Variants in DZIP3 observed in about 807,000 individuals in gnomAD.
DZIP3 encodes E3 ubiquitin-protein ligase DZIP3.
In DZIP3, 118 loss-of-function variants were observed where a neutral mutation model predicts 162.0. The ratio of observed to expected loss-of-function variants is 0.73; its 90% CI spans 0.63 to 0.85. DZIP3 has a LOEUF of 0.85. Among genes scored for constraint, DZIP3 ranks in the 40% least tolerant of loss-of-function variants. DZIP3 has a pLI of 0.00. For missense variants in DZIP3, 1,331 were observed against 1,407.0 expected, an observed-to-expected ratio of 0.95 and a Z score of 0.86; for synonymous variants, 438 against 458.6, an observed-to-expected ratio of 0.96 and a Z score of 0.57.
Position 108,644,789 on chromosome 3 carries a change from A to G in DZIP3, c.1759+8A>G. 2 of 1,588,658 alleles carry G rather than the reference A, an allele frequency of 1.3e-6. No individual in the cohort carries two copies. Among genetic ancestry groups the G allele is most frequent in the Non-Finnish European group, 1.7e-6 (2 of 1,169,242 alleles). On this transcript the variant is annotated splice_region_variant and intron_variant, in intron 14 of 32. Coordinates refer to ENST00000361582, the MANE Select transcript of DZIP3 (RefSeq NM_014648.4). Reference sequence around the variant, plus strand: ...TATCCTGCTATCAACAAGGTACTAAATGATTATTTACTTCAGCCAATAAAC... The same window carrying G: ...TATCCTGCTATCAACAAGGTACTAAGTGATTATTTACTTCAGCCAATAAAC...
Position 108,686,426 on chromosome 3 carries a change from AG to A in DZIP3, c.3010-18del. On this transcript the variant is annotated intron_variant, in intron 27 of 32. Coordinates refer to ENST00000361582, the MANE Select transcript of DZIP3 (RefSeq NM_014648.4). The stretch of plus-strand genomic sequence containing the variant: ...TTAATAATTAAACCTGCTGGGCTAT[AG>A]CTCTCTGCCTCTTACAGATGACTGG... 6.5e-7 allele frequency: 1 copy of A among 1,542,180 alleles called. No individual in the cohort carries two copies. The highest frequency in any genetic ancestry group is 1.3e-5 in the South Asian group (1 of 79,594).
intron 26 of DZIP3, among the ~76,000 whole-genome samples, chr3:108,681,637 T>A (rs1410888894): frequency 6.6e-6 from 1 of 152,052 alleles, no homozygotes; most frequent in Admixed American, 6.6e-5. Context: ...ACACATATGT[T>A]TATTGCAGCC....
At chr3:108,635,684 A>G (rs1942117604) in intron 10 of DZIP3, among the ~76,000 whole-genome samples, 2 of 147,830 alleles carry the variant, frequency 1.4e-5, no homozygotes, top group South Asian at 4.2e-4. Context: ...ATATAACATA[A>G]CTGTTATTAG....
At chr3:108,634,548 G>C (rs1942050197) in intron 9 of DZIP3, among the ~76,000 whole-genome samples, 1 of 152,046 alleles carries the variant, frequency 6.6e-6, no homozygotes, top group Non-Finnish European at 1.5e-5. Flanking sequence ...ATGTAAAAAT[G>C]GAGATGAAGA....
At chr3:108,608,057 C>T (rs1183952372) in intron 2 of DZIP3, 32 bp from the exon 3 acceptor site, 10 of 1,538,522 alleles carry the variant, frequency 6.5e-6, no homozygotes, top group Middle Eastern at 3.4e-4. Context: ...TGAGAAGATG[C>T]TCTTAATATA....
At chr3:108,674,373 T>C (rs1242949452) in intron 24 of DZIP3, among the ~76,000 whole-genome samples, 192 bp downstream of exon 24, 1 of 151,924 alleles carries the variant, frequency 6.6e-6, no homozygotes, top group Non-Finnish European at 1.5e-5. Flanking sequence ...CTTGTTGTTG[T>C]TGTTTTTGTT....
intron 19 of DZIP3, among the ~76,000 whole-genome samples, chr3:108,655,990 G>A (rs1020974884): frequency 1.2e-4 from 18 of 152,174 alleles, no homozygotes; most frequent in South Asian, 4.1e-4. Flanking sequence ...TAAACAAAGC[G>A]GCCGGGAAGC....
chr3:108,634,967 G>A lies in DZIP3; in HGVS notation c.913G>A (p.Asp305Asn), dbSNP rs1290028263. The change falls in exon 10 of 33, where the codon GAT (aspartate) becomes AAT (asparagine). Residue 305 changes from aspartate (D) to asparagine (N), a missense_variant. This residue lies in a region of DZIP3 where 1,278 missense variants were observed against 1,317.1 expected (regional missense o/e 0.97). Coordinates refer to ENST00000361582, the MANE Select transcript of DZIP3 (RefSeq NM_014648.4). ...GAATTTAAAGTATCCAGGTGAAAAT[G>A]ATCAGGTATTATATTCGTTCTTAAA... ...FKNLKYPGEN[D>N]QSFSGKKCLK... The A allele has an allele frequency of 1.3e-6, 2 of 1,583,196 alleles. No homozygotes were observed. The highest frequency in any genetic ancestry group is 2.3e-5 in the East Asian group (1 of 44,036).
Position 108,655,559 on chromosome 3 carries a change from T to C in DZIP3, c.2199+1249T>C, listed in dbSNP as rs962547492. On this transcript the variant is annotated intron_variant, in intron 19 of 32. Transcript: ENST00000361582. The stretch of plus-strand genomic sequence containing the variant: ...AATAGGAACAGCTCCAGTCTACAGC[T>C]CCCACCGTGAGCGATGCAGAAGATG... 1.3e-5 allele frequency among the ~76,000 whole-genome samples: 2 copies of C among 150,438 alleles called. 1 individual carries two copies. Among genetic ancestry groups the C allele is most frequent in the East Asian group, 3.9e-4 (2 of 5,070 alleles).
At chr3:108,619,195 A>G (rs1021235700) in intron 5 of DZIP3, among the ~76,000 whole-genome samples, 3 of 151,936 alleles carry the variant, frequency 2.0e-5, no homozygotes, top group Admixed American at 6.6e-5. Flanking sequence ...AGATAGGGTT[A>G]TAATCTTCAG....
intron 11 of DZIP3, among the ~76,000 whole-genome samples, 153 bp downstream of exon 11, chr3:108,636,861 G>T (rs934425798): frequency 6.6e-6 from 1 of 151,426 alleles, no homozygotes; most frequent in Non-Finnish European, 1.5e-5. Context: ...TTATTACCAT[G>T]ATTTATACAA....
chr3:108,621,707 CA>C (rs1941355797), intron 5 of DZIP3, among the ~76,000 whole-genome samples: 2 of 152,014 alleles, frequency 1.3e-5, no homozygotes, highest in Admixed American at 6.5e-5. Context: ...GGAGGTTCCT[CA>C]AAAAACTGAA....
intron 1 of DZIP3, among the ~76,000 whole-genome samples, chr3:108,591,427 G>A (rs919263403): frequency 6.6e-6 from 1 of 152,206 alleles, no homozygotes; most frequent in African/African-American, 2.4e-5. Flanking sequence ...TGTCAGCATC[G>A]TCCCCATTCA....
intron 6 of DZIP3, 135 bp from the exon 7 acceptor site, chr3:108,625,710 A>T (rs1183208820): frequency 8.7e-6 from 7 of 808,744 alleles, no homozygotes; most frequent in African/African-American, 1.8e-5. Flanking sequence ...AGGATTCAGA[A>T]TGTGAATAAA....
At chr3:108,687,798 G>A (rs1245359093) in intron 28 of DZIP3, among the ~76,000 whole-genome samples, 178 bp from the exon 29 acceptor site, 1 of 152,046 alleles carries the variant, frequency 6.6e-6, no homozygotes, top group Non-Finnish European at 1.5e-5. Context: ...TTTCCTTTTG[G>A]TTTAAGATAA....
chr3:108,614,365 C>G lies in DZIP3; in HGVS notation c.259-2176C>G, dbSNP rs575553651. 3.3e-5 allele frequency among the ~76,000 whole-genome samples: 5 copies of G among 152,302 alleles called. No individual in the cohort carries two copies. In the South Asian group the frequency reaches 8.3e-4, roughly 25 times the overall value. ...GCTACCTGGTTTGTCTCATAGCAACCTGCCTCTGTGAAGAACTTGAAAAAC... is the reference window on the plus strand; with the variant it reads ...GCTACCTGGTTTGTCTCATAGCAACGTGCCTCTGTGAAGAACTTGAAAAAC... On this transcript the variant is annotated intron_variant, in intron 4 of 32. Transcript: ENST00000361582.
At chr3:108,640,259 T>C (rs1459114845) in intron 12 of DZIP3, among the ~76,000 whole-genome samples, 2 of 152,144 alleles carry the variant, frequency 1.3e-5, no homozygotes, top group African/African-American at 4.8e-5. Context: ...GCATTCTATG[T>C]CATTTTTGAT....
At chr3:108,641,212 T>C (rs1559750357) in intron 12 of DZIP3, among the ~76,000 whole-genome samples, 1 of 152,118 alleles carries the variant, frequency 6.6e-6, no homozygotes, top group African/African-American at 2.4e-5. Flanking sequence ...TTCCCTCTTT[T>C]GTGCTATTGT....
chr3:108,589,594 G>C (rs1576326592), upstream of DZIP3: 1 of 424,414 alleles, frequency 2.4e-6, no homozygotes, highest in Non-Finnish European at 4.3e-6. Context: ...CAGGACGGGG[G>C]TTGGGAGCTG....
Sources: gnomAD v4.1 joint callset for allele counts (sites outside exome capture counted in the v4.1 genomes callset) on GRCh38, gnomAD v4.1.1 for gene constraint, gnomAD v4.1.1 regional missense constraint, MANE v1.5 for transcripts, NCBI Gene and HGNC (gene_info 2026-07-23, HGNC 2026-07-21) for gene names.